AP3M2: variants seen among roughly 807,000 people sequenced by gnomAD.
AP3M2 encodes the protein adaptor related protein complex 3 subunit mu 2, also known as AP-3 complex subunit mu-2.
Under a neutral mutation model 41.6 loss-of-function variants are expected in AP3M2, and 28 were observed. That is an observed-to-expected ratio of 0.67 (90% CI 0.50 to 0.92). The LOEUF (loss-of-function observed/expected upper bound fraction) is 0.92, where lower values mean the gene tolerates loss of function less well. Ranked by LOEUF, AP3M2 falls within the 40% of genes least tolerant of loss-of-function variation. The pLI is 0.00. For missense variants in AP3M2, 427 were observed against 521.4 expected (o/e 0.82, Z 1.76); for synonymous variants, 193 against 186.4 (o/e 1.04, Z -0.29).
At chr8:42,162,447 T>A in intron 4 of AP3M2, 29 bp downstream of exon 4, 2 of 1,576,426 alleles carry the variant, frequency 1.3e-6, no homozygotes, top group Non-Finnish European at 1.7e-6. Context: ...TTCTCAGAAA[T>A]ATGAAAATAG....
chr8:42,162,943 C>CA (rs67923954), intron 4 of AP3M2, among the ~76,000 whole-genome samples: 5,311 of 53,924 alleles, frequency 0.098, 1,063 homozygotes, highest in African/African-American at 0.25. Context: ...GACCCTGTCT[C>CA]AAAAAAAAAA....
At chr8:42,158,765 C>T (rs1804427107) in intron 3 of AP3M2, among the ~76,000 whole-genome samples, 1 of 151,398 alleles carries the variant, frequency 6.6e-6, no homozygotes. Context: ...ATTTTATGAA[C>T]ATTATCCCAT....
chr8:42,164,394 A>G (rs1804584868), intron 4 of AP3M2, among the ~76,000 whole-genome samples: 1 of 152,164 alleles, frequency 6.6e-6, no homozygotes, highest in African/African-American at 2.4e-5. Flanking sequence ...AAGAATAGGT[A>G]ATAATGGGCT....
chr8:42,167,504 CTT>C (rs2129644871), intron 7 of AP3M2, 133 bp downstream of exon 7: 2 of 1,364,472 alleles, frequency 1.5e-6, no homozygotes, highest in East Asian at 4.7e-5. Context: ...TGCCAGGTAA[CTT>C]AACAGTAACA....
intron 4 of AP3M2, among the ~76,000 whole-genome samples, chr8:42,164,001 G>A (rs1223026297): frequency 1.3e-5 from 2 of 152,196 alleles, no homozygotes; most frequent in African/African-American, 2.4e-5. Context: ...AGTTTAGAGC[G>A]ATGAGTCTGG....
intron 6 of AP3M2, among the ~76,000 whole-genome samples, chr8:42,166,286 T>C (rs1019724452): frequency 6.6e-6 from 1 of 152,182 alleles, no homozygotes; most frequent in African/African-American, 2.4e-5. Flanking sequence ...AGTATCTACT[T>C]CATACTTATT....
In AP3M2 at chr8:42,154,764, G is replaced by C; in HGVS notation, c.77G>C (p.Arg26Pro). The change falls in exon 2 of 9, where the codon CGT becomes CCT. Residue 26 changes from arginine (R) to proline (P), a missense_variant. Around this residue, in one of 3 missense-constraint regions of AP3M2, gnomAD observed 104 missense variants for 93.8 expected, o/e 1.11. Coordinates refer to ENST00000396926, the MANE Select transcript of AP3M2 (RefSeq NM_006803.4). The stretch of plus-strand genomic sequence containing the variant: ...AAACATTGGAAAAGTGTGGTCAGCC[G>C]TTCTGTTTGTGATTACTTTTTTGAG... ...LEKHWKSVVS[R>P]SVCDYFFEAQ... 6.2e-7 allele frequency: 1 copy of C among 1,614,140 alleles called. No homozygotes were observed. Among genetic ancestry groups the C allele is most frequent in the South Asian group, 1.1e-5 (1 of 91,076 alleles).
In AP3M2 at chr8:42,154,734, T is replaced by C; in HGVS notation, c.47T>C (p.Leu16Pro). 6.2e-7 allele frequency: 1 copy of C among 1,614,196 alleles called. No homozygotes were observed. The highest frequency in any genetic ancestry group is 1.1e-5 in the South Asian group (1 of 91,086). Residue 16 changes from leucine (L) to proline (P), a missense_variant, in exon 2 of 9, where the codon CTG becomes CCG. This residue lies in a region of AP3M2 where 104 missense variants were observed against 93.8 expected (regional missense o/e 1.11). Transcript: ENST00000396926. ...ATCAACTCCTCTGGAGACATTTTCC[T>C]GGAGAAACATTGGAAAAGTGTGGTC... ...FLINSSGDIFLEKHWKSVVSR... is the reference protein window; with the variant it reads ...FLINSSGDIFPEKHWKSVVSR...
At chr8:42,161,423 A>G (rs1291200193) in intron 3 of AP3M2, among the ~76,000 whole-genome samples, 2 of 152,180 alleles carry the variant, frequency 1.3e-5, no homozygotes, top group Admixed American at 1.3e-4. Context: ...AGCCTGGCCA[A>G]CATAGTGAAA....
chr8:42,163,620 G>A (rs1804567269), intron 4 of AP3M2, among the ~76,000 whole-genome samples: 1 of 152,134 alleles, frequency 6.6e-6, no homozygotes, highest in African/African-American at 2.4e-5. Flanking sequence ...ACAATATTGA[G>A]CAAAAAATCA....
At chr8:42,167,127 T>A in intron 6 of AP3M2, 37 bp from the exon 7 acceptor site, 1 of 1,589,322 alleles carries the variant, frequency 6.3e-7, no homozygotes, top group South Asian at 1.1e-5. Context: ...ATTTTCCCAG[T>A]GCACGAATGA....
chr8:42,155,494 A>C (rs1249730259), intron 2 of AP3M2, among the ~76,000 whole-genome samples: 1 of 152,176 alleles, frequency 6.6e-6, no homozygotes, highest in Non-Finnish European at 1.5e-5. Context: ...GAGATTGGGA[A>C]ATCTCATGTG....
rs1284113541 is a variant in AP3M2, at chr8:42,170,861, A to G, written c.*1800A>G. ...AGGTTTCCTAGGTCACTGAACAACTAATCTTGGTCCCTGAATATTTCTAGG... is the reference window on the plus strand; with the variant it reads ...AGGTTTCCTAGGTCACTGAACAACTGATCTTGGTCCCTGAATATTTCTAGG... On this transcript the variant is annotated 3_prime_UTR_variant, in exon 9 of 9. Transcript: ENST00000396926. 2.0e-5 allele frequency: 3 copies of G among 152,222 alleles called. No individual in the cohort carries two copies. Among genetic ancestry groups the G allele is most frequent in the Non-Finnish European group, 4.4e-5 (3 of 68,036 alleles). The allele number at this position is 152,222 out of a possible 1,614,324, so 9.4% of individuals were successfully genotyped here.
intron 6 of AP3M2, 176 bp downstream of exon 6, chr8:42,165,736 C>T: frequency 1.7e-6 from 1 of 597,394 alleles, no homozygotes; most frequent in Non-Finnish European, 2.8e-6. Flanking sequence ...TCTCTTTTCT[C>T]ATCTGTAAAT....
Position 42,169,157 on chromosome 8 carries a change from C to A in AP3M2, c.*96C>A. ...TATCAGCCTGTCTCCTAGGTCAGTC[C>A]CCTCCTGGACCCACCCGCTCCCTTT... is the stretch of plus-strand genomic sequence containing the variant. On this transcript the variant is annotated 3_prime_UTR_variant, in exon 9 of 9. Transcript: ENST00000396926. 1 of 925,572 alleles carries A rather than the reference C, an allele frequency of 1.1e-6. No homozygotes were observed. Among genetic ancestry groups the A allele is most frequent in the Non-Finnish European group, 1.6e-6 (1 of 631,486 alleles). The allele number at this position is 925,572 out of a possible 1,614,324, so 57.3% of individuals were successfully genotyped here. A position where few individuals can be genotyped will look rare whatever the true frequency, so the allele number is the denominator to read the frequency against.
chr8:42,166,983 C>T (rs1246912910), intron 6 of AP3M2, 181 bp from the exon 7 acceptor site: 10 of 602,046 alleles, frequency 1.7e-5, no homozygotes, highest in Admixed American at 8.9e-5. Flanking sequence ...TAGACAGTAG[C>T]TTTTCAAAAA....
chr8:42,166,102 A>G (rs1032754924), intron 6 of AP3M2, among the ~76,000 whole-genome samples: 1 of 152,314 alleles, frequency 6.6e-6, no homozygotes, highest in East Asian at 1.9e-4. Context: ...TGTGGAATGA[A>G]TCATTTGGGA....
At chr8:42,165,601 A>C (rs1321464400) in intron 6 of AP3M2, 41 bp downstream of exon 6, 2 of 1,608,336 alleles carry the variant, frequency 1.2e-6, no homozygotes, top group Non-Finnish European at 1.7e-6. Context: ...CCGTGTATGT[A>C]CATGTATGTG....
intron 6 of AP3M2, 67 bp downstream of exon 6, chr8:42,165,627 G>A: frequency 3.8e-6 from 6 of 1,569,466 alleles, no homozygotes; most frequent in Non-Finnish European, 4.3e-6. Flanking sequence ...CGTATCTGTG[G>A]TGATTAAGAA....
Sources: allele counts gnomAD v4.1 joint callset (sites outside exome capture counted in the v4.1 genomes callset), GRCh38; gene constraint gnomAD v4.1.1; regional missense constraint gnomAD v4.1.1; transcripts MANE v1.5; gene names NCBI Gene and HGNC (gene_info 2026-07-23, HGNC 2026-07-21).